Variants in MALRD1 observed in about 807,000 individuals in gnomAD.
MALRD1 encodes MAM and LDL-receptor class A domain-containing protein 1.
MALRD1 carries 247 observed loss-of-function variants against 242.1 expected under a neutral mutation model. The observed-to-expected ratio is 1.02, with a 90% CI of 0.92 to 1.13. The LOEUF is 1.13. MALRD1 is among the 50% of genes most tolerant of loss of function. MALRD1 has a pLI of 0.00. For synonymous variants in MALRD1, 995 were observed against 866.6 expected (o/e 1.15, Z -2.60); for missense variants, 2,989 against 2,533.1 (o/e 1.18, Z -3.86).
intron 12 of MALRD1, 76 bp from the exon 13 acceptor site, chr10:19,165,561 T>C: frequency 9.0e-7 from 1 of 1,115,578 alleles, no homozygotes; most frequent in East Asian, 3.2e-5. Context: ...AGGTCAGGAA[T>C]ATTTCAAATT....
At chr10:19,191,864 G>A (rs932476243) in intron 14 of MALRD1, among the ~76,000 whole-genome samples, 1 of 152,012 alleles carries the variant, frequency 6.6e-6, no homozygotes, top group Non-Finnish European at 1.5e-5. Context: ...TGGGAGTGGT[G>A]GTGTGCATCT....
At chr10:19,558,684 C>G (rs1227078466) in intron 32 of MALRD1, among the ~76,000 whole-genome samples, 2 of 151,994 alleles carry the variant, frequency 1.3e-5, no homozygotes, top group Non-Finnish European at 1.5e-5. Context: ...AAATGTTGGT[C>G]TGTAGTTTTC....
At chr10:19,438,201 A>G (rs924948688) in intron 28 of MALRD1, among the ~76,000 whole-genome samples, 1 of 151,986 alleles carries the variant, frequency 6.6e-6, no homozygotes, top group Admixed American at 6.6e-5. Flanking sequence ...TGTCTTATAT[A>G]AGTGGAATCA....
intron 18 of MALRD1, among the ~76,000 whole-genome samples, chr10:19,224,156 TC>T (rs1397452101): frequency 9.9e-5 from 15 of 152,266 alleles, no homozygotes; most frequent in Non-Finnish European, 2.2e-4. Flanking sequence ...CTATTTACAC[TC>T]CCACCAACAG....
At chr10:19,370,270 CTGGGATAT>C (rs1356959764) in intron 26 of MALRD1, among the ~76,000 whole-genome samples, 1 of 152,038 alleles carries the variant, frequency 6.6e-6, no homozygotes, top group Non-Finnish European at 1.5e-5. Context: ...TGAGACCCTA[CTGGGATAT>C]TGATTATCAT....
chr10:19,168,838 G>A (rs963728452), intron 13 of MALRD1, among the ~76,000 whole-genome samples: 8 of 151,968 alleles, frequency 5.3e-5, no homozygotes, highest in East Asian at 1.9e-4. Flanking sequence ...GAGTTCTTTC[G>A]AGGCCTCGGT....
intron 28 of MALRD1, among the ~76,000 whole-genome samples, chr10:19,414,402 G>A (rs953249965): frequency 2.0e-5 from 3 of 152,180 alleles, no homozygotes; most frequent in Non-Finnish European, 4.4e-5. Context: ...GGAAACCAAG[G>A]AAAGAGAGGC....
At chr10:19,666,999 C>T (rs1841707642) in intron 36 of MALRD1, among the ~76,000 whole-genome samples, 1 of 152,070 alleles carries the variant, frequency 6.6e-6, no homozygotes, top group African/African-American at 2.4e-5. Flanking sequence ...TTAGAGGTAA[C>T]CTACACCTCA....
At chr10:19,111,646 C>T (rs1256191418) in intron 5 of MALRD1, among the ~76,000 whole-genome samples, 2 of 152,156 alleles carry the variant, frequency 1.3e-5, no homozygotes, top group Non-Finnish European at 2.9e-5. Flanking sequence ...TGAACTGCAA[C>T]CCTATTTTTA....
chr10:19,262,712 A>G (rs982851631), intron 19 of MALRD1, among the ~76,000 whole-genome samples: 2 of 151,926 alleles, frequency 1.3e-5, no homozygotes, highest in Admixed American at 6.6e-5. Context: ...CAACTGTACA[A>G]TATCTTGCTG....
chr10:19,360,962 T>A (rs1001543667), intron 26 of MALRD1, among the ~76,000 whole-genome samples: 3 of 152,082 alleles, frequency 2.0e-5, no homozygotes, highest in African/African-American at 7.2e-5. Flanking sequence ...GTCTCATTAT[T>A]ACACGAATTA....
At position 19,530,465 on chromosome 10, in the gene MALRD1, A is replaced by AT. The variant is rs1564417668; in HGVS notation, c.5321-729_5321-728insT. Among the ~76,000 whole-genome samples the AT allele has an allele frequency of 1.1e-3, 95 of 89,510 alleles. 5 individuals carry two copies. Among genetic ancestry groups the AT allele is most frequent in the African/African-American group, 3.1e-3 (73 of 23,480 alleles). 58.7% of individuals were successfully genotyped at this position (89,510 alleles called of 152,430 possible). A position where few individuals can be genotyped will look rare whatever the true frequency, so the allele number is the denominator to read the frequency against. On this transcript the variant is annotated intron_variant, in intron 31 of 39. Coordinates refer to ENST00000454679, the MANE Select transcript of MALRD1 (RefSeq NM_001142308.3). ...TATATAATATATAATATATAATAAT[A>AT]AATAATTATATAATATTTATATAAA...
At chr10:19,616,006 A>G (rs1839140374) in intron 36 of MALRD1, 83 bp downstream of exon 36, 2 of 971,492 alleles carry the variant, frequency 2.1e-6, no homozygotes, top group Admixed American at 4.7e-5. Context: ...ATAATAGAGC[A>G]TCAATCAGTT....
chr10:19,391,331 G>A (rs892572548), intron 28 of MALRD1, among the ~76,000 whole-genome samples: 7 of 152,116 alleles, frequency 4.6e-5, no homozygotes, highest in African/African-American at 1.7e-4. Context: ...CTATATTCAT[G>A]AATATTAGGG....
chr10:19,200,967 A>G (rs1389027738), intron 14 of MALRD1, among the ~76,000 whole-genome samples: 2 of 152,132 alleles, frequency 1.3e-5, no homozygotes, highest in African/African-American at 2.4e-5. Context: ...AACAGCCCCT[A>G]GCACAAAGCT....
intron 38 of MALRD1, among the ~76,000 whole-genome samples, chr10:19,714,614 A>G (rs1355440487): frequency 2.6e-5 from 4 of 152,008 alleles, no homozygotes; most frequent in African/African-American, 9.7e-5. Context: ...CTCACCAGGG[A>G]CCTGCCTTTT....
At chr10:19,072,493 A>G (rs943384871) in intron 2 of MALRD1, among the ~76,000 whole-genome samples, 3 of 152,072 alleles carry the variant, frequency 2.0e-5, no homozygotes, top group African/African-American at 7.2e-5. Flanking sequence ...AACTCATAGG[A>G]TATGCAAAAT....
At chr10:19,195,432 A>G (rs1277170281) in intron 14 of MALRD1, among the ~76,000 whole-genome samples, 3 of 152,148 alleles carry the variant, frequency 2.0e-5, no homozygotes, top group African/African-American at 7.2e-5. Flanking sequence ...CCAGCTTTAA[A>G]TGCCGTTGAT....
intron 33 of MALRD1, among the ~76,000 whole-genome samples, chr10:19,590,486 A>T (rs1729796950): frequency 6.6e-6 from 1 of 151,182 alleles, no homozygotes; most frequent in Non-Finnish European, 1.5e-5. Flanking sequence ...TCCTGAGAGA[A>T]TTTCTAAGAA....
Sources: allele counts gnomAD v4.1 joint callset (sites outside exome capture counted in the v4.1 genomes callset), GRCh38; gene constraint gnomAD v4.1.1; transcripts MANE v1.5; gene names NCBI Gene and HGNC (gene_info 2026-07-23, HGNC 2026-07-21).